The following MTMR14 variants were observed in gnomAD, a reference collection of about 807,000 sequenced individuals.
MTMR14 encodes the protein phosphatidylinositol-3,5-bisphosphate 3-phosphatase MTMR14.
A neutral mutation model predicts 86.3 loss-of-function variants in MTMR14; 48 were observed. That is an observed-to-expected ratio of 0.56 (90% CI 0.44 to 0.71). MTMR14 has a LOEUF of 0.71. Among genes scored for constraint, MTMR14 ranks in the 30% least tolerant of loss-of-function variants. MTMR14 has a pLI of 0.00. For missense variants in MTMR14, 780 were observed against 834.6 expected, an observed-to-expected ratio of 0.93 and a Z score of 0.81; for synonymous variants, 366 against 326.1, an observed-to-expected ratio of 1.12 and a Z score of -1.32.
chr3:9,696,372 C>T (rs190199582), intron 17 of MTMR14, among the ~76,000 whole-genome samples: 450 of 152,212 alleles, frequency 3.0e-3, no homozygotes, highest in Non-Finnish European at 4.3e-3. Flanking sequence ...GGCATGGTGG[C>T]GGGCGTCTGT....
intron 3 of MTMR14, among the ~76,000 whole-genome samples, chr3:9,663,955 AT>A (rs1322412179): frequency 6.6e-6 from 1 of 150,790 alleles, no homozygotes; most frequent in Non-Finnish European, 1.5e-5. Context: ...CACCCAGCTA[AT>A]TTTTGTATTT....
intron 9 of MTMR14, among the ~76,000 whole-genome samples, chr3:9,678,462 A>G (rs1029674981): frequency 1.3e-5 from 2 of 152,130 alleles, no homozygotes; most frequent in East Asian, 3.9e-4. Context: ...TACTTCCACC[A>G]TGCTCTTCTC....
At chr3:9,660,340 ACT>A (rs1263234539) in intron 2 of MTMR14, among the ~76,000 whole-genome samples, 1 of 151,340 alleles carries the variant, frequency 6.6e-6, no homozygotes, top group Non-Finnish European at 1.5e-5. Context: ...CTCACTGCAA[ACT>A]CTGCCTCCCG....
intron 17 of MTMR14, among the ~76,000 whole-genome samples, chr3:9,694,184 G>C (rs1032697552): frequency 2.0e-5 from 3 of 152,204 alleles, no homozygotes; most frequent in African/African-American, 7.2e-5. Flanking sequence ...AGAAAGATGA[G>C]TATATTATCA....
chr3:9,653,515 C>T lies in MTMR14; in HGVS notation c.160-106C>T, dbSNP rs960330755. The T allele has an allele frequency of 3.6e-6, 5 of 1,406,798 alleles. No homozygotes were observed. In the African/African-American group the frequency reaches 7.1e-5, roughly 20 times the overall value. 87.1% of individuals were successfully genotyped at this position (1,406,798 alleles called of 1,614,324 possible). A position where few individuals can be genotyped will look rare whatever the true frequency, so the allele number is the denominator to read the frequency against. Reference sequence around the variant, plus strand: ...TCTTCCCAGCACAGAATAATTATCACCCAGGTACATGTCTTTCCCAGTGAC... The same window carrying T: ...TCTTCCCAGCACAGAATAATTATCATCCAGGTACATGTCTTTCCCAGTGAC... On this transcript the variant is annotated intron_variant, in intron 1 of 18. Coordinates refer to ENST00000296003, the MANE Select transcript of MTMR14 (RefSeq NM_001077525.3).
chr3:9,659,539 G>T, intron 2 of MTMR14: 1 of 360,196 alleles, frequency 2.8e-6, no homozygotes, highest in Non-Finnish European at 5.5e-6. Context: ...CGCCTCCTGG[G>T]TTCAAGCAAT....
At chr3:9,672,219 T>C (rs1187382720) in intron 6 of MTMR14, among the ~76,000 whole-genome samples, 2 of 152,090 alleles carry the variant, frequency 1.3e-5, no homozygotes, top group Non-Finnish European at 2.9e-5. Context: ...TTGGTTGATA[T>C]GTTGGAATAG....
intron 18 of MTMR14, chr3:9,699,826 TG>T (rs1381957681): frequency 6.6e-6 from 1 of 152,280 alleles, no homozygotes; most frequent in African/African-American, 2.4e-5. Context: ...TGTAAACTCT[TG>T]GTCTGTTTCT....
chr3:9,681,714 C>T (rs925444383), intron 9 of MTMR14, among the ~76,000 whole-genome samples: 6 of 152,282 alleles, frequency 3.9e-5, no homozygotes, highest in South Asian at 4.2e-4. Flanking sequence ...CATATCTCCT[C>T]GGTCATCACT....
At chr3:9,688,637 G>A in intron 14 of MTMR14, 59 bp from the exon 15 acceptor site, 4 of 1,598,162 alleles carry the variant, frequency 2.5e-6, no homozygotes, top group African/African-American at 1.3e-5. Flanking sequence ...ATTGGGAACG[G>A]GGGACACAAT....
intron 17 of MTMR14, among the ~76,000 whole-genome samples, chr3:9,695,313 G>T (rs1382624618): frequency 1.3e-5 from 2 of 152,152 alleles, no homozygotes; most frequent in African/African-American, 4.8e-5. Flanking sequence ...GAGCTGAATG[G>T]TCACTTTGTA....
Position 9,660,351 on chromosome 3 carries a change from C to T in MTMR14, c.309-1916C>T, listed in dbSNP as rs575424535. Among the ~76,000 whole-genome samples, 6 of 152,062 alleles carry T rather than the reference C, an allele frequency of 3.9e-5. No homozygotes were observed. In the South Asian group the frequency reaches 6.2e-4, roughly 16 times the overall value. On this transcript the variant is annotated intron_variant, in intron 2 of 18. Transcript: ENST00000296003. ...TTGGCTCACTGCAAACTCTGCCTCC[C>T]GGGTTCAAGCAGTTCTCCTGCCTCA...
chr3:9,691,651 A>C (rs1575073252), intron 17 of MTMR14, among the ~76,000 whole-genome samples: 1 of 152,308 alleles, frequency 6.6e-6, no homozygotes, highest in East Asian at 1.9e-4. Flanking sequence ...CCTGCCTGCC[A>C]AAAGATCCCA....
At chr3:9,650,378 A>G in intron 1 of MTMR14, 1 of 456,298 alleles carries the variant, frequency 2.2e-6, no homozygotes, top group Non-Finnish European at 4.4e-6. Context: ...GGCCATCCCC[A>G]CCCTAAGCAC....
At chr3:9,663,347 C>T (rs879505356) in intron 3 of MTMR14, among the ~76,000 whole-genome samples, 2 of 151,474 alleles carry the variant, frequency 1.3e-5, no homozygotes, top group Non-Finnish European at 2.9e-5. Flanking sequence ...GGAGACTCTG[C>T]CAAAAGCTTT....
At chr3:9,693,439 A>G (rs952076375) in intron 17 of MTMR14, among the ~76,000 whole-genome samples, 4 of 152,270 alleles carry the variant, frequency 2.6e-5, no homozygotes, top group Non-Finnish European at 5.9e-5. Flanking sequence ...TGACTCCCCA[A>G]AAGCTACAGA....
intron 14 of MTMR14, 149 bp downstream of exon 14, chr3:9,688,040 G>C (rs2076019161): frequency 1.3e-6 from 1 of 741,472 alleles, no homozygotes; most frequent in African/African-American, 1.7e-5. Context: ...TGAGGCCAGG[G>C]TAGGGGTCCC....
intron 7 of MTMR14, among the ~76,000 whole-genome samples, chr3:9,675,968 C>G (rs1281415895): frequency 6.6e-6 from 1 of 152,082 alleles, no homozygotes; most frequent in South Asian, 2.1e-4. Context: ...CCAGACTTCT[C>G]GAGGCCTGGG....
intron 10 of MTMR14, 26 bp from the exon 11 acceptor site, chr3:9,684,559 C>T (rs1473201483): frequency 1.2e-6 from 2 of 1,611,728 alleles, no homozygotes; most frequent in East Asian, 4.5e-5. Context: ...CTCTCCTGGG[C>T]ATCCTCTCCT....
Sources: allele counts gnomAD v4.1 joint callset (sites outside exome capture counted in the v4.1 genomes callset), GRCh38; gene constraint gnomAD v4.1.1; transcripts MANE v1.5; gene names NCBI Gene and HGNC (gene_info 2026-07-23, HGNC 2026-07-21).